PTPRD: variants seen among roughly 807,000 people sequenced by gnomAD.
PTPRD encodes protein tyrosine phosphatase receptor type D.
In PTPRD, 34 loss-of-function variants were observed where a neutral mutation model predicts 214.5. The observed-to-expected ratio is 0.16, with a 90% CI of 0.12 to 0.21. PTPRD has a LOEUF of 0.21. PTPRD is among the 10% of genes least tolerant of loss of function. The probability of loss-of-function intolerance (pLI) is 1.00; values close to 1 mark genes in which losing one functional copy is unlikely to be tolerated. For synonymous variants in PTPRD, 1,128 were observed against 845.7 expected, an observed-to-expected ratio of 1.33 and a Z score of -5.79; for missense variants, 2,545 against 2,398.7, an observed-to-expected ratio of 1.06 and a Z score of -1.27.
intron 7 of PTPRD, among the ~76,000 whole-genome samples, chr9:9,702,250 G>A (rs2097521536): frequency 6.6e-6 from 1 of 152,068 alleles, no homozygotes; most frequent in Admixed American, 6.6e-5. Flanking sequence ...TTAGGGAGAG[G>A]GTGCATAAAA....
intron 8 of PTPRD, among the ~76,000 whole-genome samples, chr9:9,491,853 C>T (rs934907799): frequency 6.6e-6 from 1 of 151,672 alleles, no homozygotes; most frequent in South Asian, 2.1e-4. Flanking sequence ...AAAAGAAGAA[C>T]AAGCTACACC....
intron 9 of PTPRD, among the ~76,000 whole-genome samples, chr9:9,352,328 T>C (rs1467101517): frequency 1.4e-5 from 1 of 71,570 alleles, no homozygotes; most frequent in Non-Finnish European, 3.2e-5. Flanking sequence ...TATATATATA[T>C]GTGTGTGTGT....
At chr9:10,528,589 G>T (rs1158882921) in intron 2 of PTPRD, among the ~76,000 whole-genome samples, 2 of 152,086 alleles carry the variant, frequency 1.3e-5, no homozygotes, top group Non-Finnish European at 2.9e-5. Flanking sequence ...TAGCCCAATG[G>T]CCAGCACACA....
intron 7 of PTPRD, among the ~76,000 whole-genome samples, chr9:9,595,303 T>TATATTATATATATTTTATATATATA (rs1166089937): frequency 1.4e-5 from 1 of 69,900 alleles, no homozygotes; most frequent in East Asian, 2.9e-4. Flanking sequence ...TATATATATA[T>TATATTATATATATTTTATATATATA]ATATATATTA....
At chr9:10,325,315 T>G (rs910104187) in intron 3 of PTPRD, among the ~76,000 whole-genome samples, 1 of 151,992 alleles carries the variant, frequency 6.6e-6, no homozygotes, top group African/African-American at 2.4e-5. Flanking sequence ...TAGGCAATTT[T>G]AAAAACGTTT....
chr9:8,786,303 A>T (rs1352533322), intron 11 of PTPRD, among the ~76,000 whole-genome samples: 1 of 151,824 alleles, frequency 6.6e-6, no homozygotes, highest in Admixed American at 6.6e-5. Context: ...ACAATTACTG[A>T]AGTGTGTTCA....
At chr9:9,735,784 G>A (rs2098281850) in intron 6 of PTPRD, among the ~76,000 whole-genome samples, 1 of 151,996 alleles carries the variant, frequency 6.6e-6, no homozygotes, top group African/African-American at 2.4e-5. Context: ...CTTTGTCCAT[G>A]GATCTTAGTT....
At chr9:8,837,695 T>C (rs1797505984) in intron 11 of PTPRD, among the ~76,000 whole-genome samples, 1 of 152,054 alleles carries the variant, frequency 6.6e-6, no homozygotes, top group Admixed American at 6.6e-5. Flanking sequence ...AAAGGTGAGA[T>C]CTTGCTATGT....
chr9:9,789,975 A>T (rs2098956041), intron 5 of PTPRD, among the ~76,000 whole-genome samples: 2 of 152,080 alleles, frequency 1.3e-5, no homozygotes, highest in South Asian at 2.1e-4. Flanking sequence ...CAAATATTTT[A>T]TTTATCTTTG....
At chr9:8,885,995 A>G (rs1262256623) in intron 11 of PTPRD, among the ~76,000 whole-genome samples, 1 of 152,188 alleles carries the variant, frequency 6.6e-6, no homozygotes, top group Non-Finnish European at 1.5e-5. Context: ...ATCCTTCAAC[A>G]GAAGAAAAAT....
At chr9:10,508,711 C>A (rs540258619) in intron 2 of PTPRD, among the ~76,000 whole-genome samples, 2 of 152,120 alleles carry the variant, frequency 1.3e-5, no homozygotes, top group South Asian at 2.1e-4. Context: ...AAACAAACAC[C>A]GCATGTTCTC....
At chr9:9,197,297 C>G (rs187798777) in intron 9 of PTPRD, among the ~76,000 whole-genome samples, 1 of 152,108 alleles carries the variant, frequency 6.6e-6, no homozygotes, top group African/African-American at 2.4e-5. Flanking sequence ...CATAGTTCCC[C>G]GATGGCTTGT....
intron 11 of PTPRD, among the ~76,000 whole-genome samples, chr9:8,737,135 CATA>C (rs1042139965): frequency 2.0e-5 from 3 of 152,270 alleles, no homozygotes; most frequent in Non-Finnish European, 4.4e-5. Flanking sequence ...AGCTGAAGTG[CATA>C]AGAAGACCAA....
chr9:9,133,217 G>T (rs1008968921), intron 10 of PTPRD, among the ~76,000 whole-genome samples: 4 of 152,154 alleles, frequency 2.6e-5, no homozygotes, highest in Admixed American at 6.5e-5. Flanking sequence ...TTACACAGAG[G>T]TAGGGCAGGT....
intron 8 of PTPRD, among the ~76,000 whole-genome samples, chr9:9,435,736 G>T (rs1208216374): frequency 1.3e-5 from 2 of 151,896 alleles, no homozygotes; most frequent in African/African-American, 4.8e-5. Context: ...ATTAATATTT[G>T]GTTTTCAATA....
chr9:9,015,319 T>C (rs894312449), intron 11 of PTPRD, among the ~76,000 whole-genome samples: 1 of 152,084 alleles, frequency 6.6e-6, no homozygotes. Flanking sequence ...ATAAAATAGG[T>C]TGCAGTAAAG....
At chr9:8,570,650 T>C (rs936157926) in intron 14 of PTPRD, among the ~76,000 whole-genome samples, 1 of 152,142 alleles carries the variant, frequency 6.6e-6, no homozygotes, top group Non-Finnish European at 1.5e-5. Flanking sequence ...ACTTACTTCA[T>C]CATTTACAGT....
intron 8 of PTPRD, among the ~76,000 whole-genome samples, chr9:9,416,199 A>T (rs897718301): frequency 2.0e-5 from 3 of 152,136 alleles, no homozygotes; most frequent in African/African-American, 7.2e-5. Context: ...TCTGTCTTCA[A>T]TTAGGCCTCT....
At chr9:10,469,413 G>T (rs903875169) in intron 2 of PTPRD, among the ~76,000 whole-genome samples, 2 of 152,076 alleles carry the variant, frequency 1.3e-5, no homozygotes, top group East Asian at 3.9e-4. Flanking sequence ...GAAGCAGAGA[G>T]AAATCCTTGC....
Sources: gnomAD v4.1 joint callset for allele counts (sites outside exome capture counted in the v4.1 genomes callset) on GRCh38, gnomAD v4.1.1 for gene constraint, MANE v1.5 for transcripts, NCBI Gene and HGNC (gene_info 2026-07-23, HGNC 2026-07-21) for gene names.